The following IL3RA variants were observed in gnomAD, a reference collection of about 807,000 sequenced individuals.
IL3RA encodes the protein interleukin-3 receptor subunit alpha.
Under a neutral mutation model 52.3 loss-of-function variants are expected in IL3RA, and 73 were observed. The ratio of observed to expected loss-of-function variants is 1.40; its 90% CI spans 1.16 to 1.70. The LOEUF (loss-of-function observed/expected upper bound fraction) is 1.70, where lower values mean the gene tolerates loss of function less well. Ranked by LOEUF, IL3RA falls within the 40% of genes most tolerant of loss-of-function variation. The pLI is 0.00. For synonymous variants in IL3RA, 260 were observed against 194.0 expected (o/e 1.34, Z -2.83); for missense variants, 664 against 504.4 (o/e 1.32, Z -3.03).
chrX:1,373,779 A>C (rs2088608997), intron 9 of IL3RA, among the ~76,000 whole-genome samples: 1 of 45,002 alleles, frequency 2.2e-5, no homozygotes, highest in Non-Finnish European at 3.5e-5. Flanking sequence ...ATGGACTAAG[A>C]CACCTCATAA....
intron 4 of IL3RA, 101 bp downstream of exon 4, chrX:1,348,646 C>T (rs188110428): frequency 0.049 from 13,742 of 281,426 alleles, 805 homozygotes; most frequent in African/African-American, 0.33. Context: ...TTCTTTTTCT[C>T]TTTCTTTCTT....
chrX:1,343,982 G>C (rs1217206242), intron 2 of IL3RA, among the ~76,000 whole-genome samples: 1 of 151,708 alleles, frequency 6.6e-6, no homozygotes, highest in Non-Finnish European at 1.5e-5. Flanking sequence ...TTTTAGTCGC[G>C]ACGGGGTTTC....
At chrX:1,348,692 T>TTCTCTTTCTTTCTC (rs1401190803) in intron 4 of IL3RA, 147 bp downstream of exon 4, 1 of 278,194 alleles carries the variant, frequency 3.6e-6, no homozygotes, top group African/African-American at 2.7e-5. Context: ...CTTTCTTTCT[T>TTCTCTTTCTTTCTC]TTTCTTTCTT....
chrX:1,352,437 C>A lies in IL3RA; in HGVS notation c.547C>A (p.Leu183Met). Residue 183 changes from leucine to methionine, a missense_variant, in exon 6 of 12, where the codon CTG becomes ATG. Physicochemically the swap from Leu to Met is conservative, Grantham distance 15. Coordinates refer to ENST00000331035, the MANE Select transcript of IL3RA (RefSeq NM_002183.4). Reference protein sequence around the residue: ...LSSGSQSSHILVRGRSAAFGI... With the variant: ...LSSGSQSSHIMVRGRSAAFGI... ...CAGCGGTTCTCAAAGTTCCCACATC[C>A]TGGTGCGGGGCAGGAGCGCAGCCTT... 6.2e-7 allele frequency: 1 copy of A among 1,613,878 alleles called. No homozygotes were observed. Among genetic ancestry groups the A allele is most frequent in the Non-Finnish European group, 8.5e-7 (1 of 1,179,868 alleles).
chrX:1,337,519 A>G (rs1250309370), intron 1 of IL3RA, among the ~76,000 whole-genome samples: 3 of 152,192 alleles, frequency 2.0e-5, no homozygotes, highest in African/African-American at 7.2e-5. Flanking sequence ...GTACCCATCT[A>G]TAGATGAATG....
chrX:1,362,165 C>CCT (rs377206464), intron 8 of IL3RA, among the ~76,000 whole-genome samples: 73,485 of 148,288 alleles, frequency 0.5, 20,480 homozygotes, highest in African/African-American at 0.77. Context: ...TTTCTCTTTC[C>CCT]CTCTCTCTTT....
intron 9 of IL3RA, among the ~76,000 whole-genome samples, chrX:1,368,076 G>C (rs1286679980): frequency 6.6e-6 from 1 of 152,024 alleles, no homozygotes; most frequent in African/African-American, 2.4e-5. Flanking sequence ...CGGCTAACAC[G>C]GTGAAACCCG....
chrX:1,348,680 T>TTTTC (rs2085915800), intron 4 of IL3RA, 135 bp downstream of exon 4: 1 of 398,078 alleles, frequency 2.5e-6, no homozygotes, highest in African/African-American at 4.8e-5. Flanking sequence ...CTTTCTTTCT[T>TTTTC]TCTTTCTTTC....
rs1382655929 is a variant in IL3RA, at chrX:1,361,186, TCTCTCTCTCCATTCCC to T, written c.759+2302_759+2317del. Among the ~76,000 whole-genome samples the T allele has an allele frequency of 2.3e-4, 19 of 82,532 alleles. 2 individuals carry two copies. Among genetic ancestry groups the T allele is most frequent in the South Asian group, 8.4e-4 (2 of 2,394 alleles). The allele number at this position is 82,532 out of a possible 152,430, so 54.1% of individuals were successfully genotyped here. ...CTCTGTCTCTCTCTCCCTTCCCCTC[TCTCTCTCTCCATTCCC>T]CTGTCTCTATGTCTCTCCCTTTCTC... On this transcript the variant is annotated intron_variant, in intron 8 of 11. Transcript: ENST00000331035.
intron 6 of IL3RA, among the ~76,000 whole-genome samples, chrX:1,353,599 C>T (rs17884415): frequency 0.63 from 35,911 of 56,680 alleles, 13,185 homozygotes; most frequent in African/African-American, 0.78. Context: ...ATGGGATCCC[C>T]CATCATAGGT....
rs755456002 is a variant in IL3RA, at chrX:1,363,509, C to T, written c.760-1629C>T. Among the ~76,000 whole-genome samples, 429 of 151,048 alleles carry T rather than the reference C, an allele frequency of 2.8e-3. 4 individuals carry two copies. Among genetic ancestry groups the T allele is most frequent in the African/African-American group, 9.7e-3 (398 of 41,186 alleles). On this transcript the variant is annotated intron_variant, in intron 8 of 11. Coordinates refer to ENST00000331035, the MANE Select transcript of IL3RA (RefSeq NM_002183.4). ...TAGAGACGGGGTTTCACTGTGGTCT[C>T]GATCTCCTGACCTTGTGATCTGCCC...
chrX:1,356,328 A>G lies in IL3RA; in HGVS notation c.724A>G (p.Ile242Val), dbSNP rs758206396. 1.6e-5 allele frequency: 25 copies of G among 1,608,800 alleles called. No individual in the cohort carries two copies. Among genetic ancestry groups the G allele is most frequent in the Non-Finnish European group, 2.1e-5 (25 of 1,175,542 alleles). Residue 242 changes from isoleucine to valine, a missense_variant, in exon 7 of 12, where the codon ATA (isoleucine) becomes GTA (valine). Ile to Val is a conservative substitution (Grantham distance 29, BLOSUM62 3). Transcript: ENST00000331035. The stretch of plus-strand genomic sequence containing the variant: ...TCGCAAATTTCGCTATGAGCTTCAG[A>G]TACAAAAGGTAAACTTTCACCCCGC... ...FNRKFRYELQ[I>V]QKRMQPVITE...
chrX:1,339,151 TAATC>T (rs1403723450), intron 1 of IL3RA, among the ~76,000 whole-genome samples: 1 of 152,068 alleles, frequency 6.6e-6, no homozygotes, highest in Admixed American at 6.6e-5. Context: ...ATGAAAATAT[TAATC>T]AATAAATGTT....
chrX:1,353,943 A>ACCC lies in IL3RA; in HGVS notation c.616+1446_616+1448dup, dbSNP rs762596930. Among the ~76,000 whole-genome samples, 312 of 42,572 alleles carry ACCC rather than the reference A, an allele frequency of 7.3e-3. 26 individuals carry two copies. The highest frequency in any genetic ancestry group is 9.7e-3 in the Non-Finnish European group (210 of 21,658). The allele number at this position is 42,572 out of a possible 152,430, so 27.9% of individuals were successfully genotyped here. ...CATGGGTTCCATCATGGGTCATGGGACCCCCCCCCCCATCATGGGTCGTGG... is the reference window on the plus strand; with the variant it reads ...CATGGGTTCCATCATGGGTCATGGGACCCCCCCCCCCCCCATCATGGGTCGTGG... On this transcript the variant is annotated intron_variant, in intron 6 of 11. Transcript: ENST00000331035.
At chrX:1,348,210 G>A (rs1794678433) in intron 3 of IL3RA, among the ~76,000 whole-genome samples, 1 of 150,590 alleles carries the variant, frequency 6.6e-6, no homozygotes, top group Non-Finnish European at 1.5e-5. Context: ...AAAATTAGCT[G>A]GGCGTGGTGG....
rs147573342 is a variant in IL3RA at position 1,348,212 on chromosome X, G to T, written c.184-219G>T. Reference sequence around the variant, plus strand: ...GAAAAATACTTTAAAAATTAGCTGGGCGTGGTGGCGGGCACCTGTAATCCC... The same window carrying T: ...GAAAAATACTTTAAAAATTAGCTGGTCGTGGTGGCGGGCACCTGTAATCCC... On this transcript the variant is annotated intron_variant, in intron 3 of 11. Transcript: ENST00000331035. Among the ~76,000 whole-genome samples the T allele has an allele frequency of 5.3e-3, 798 of 150,762 alleles. 8 individuals are homozygous for T. Among genetic ancestry groups the T allele is most frequent in the Middle Eastern group, 0.01 (3 of 292 alleles).
At chrX:1,353,943 A>AC (rs762596930) in intron 6 of IL3RA, among the ~76,000 whole-genome samples, 1,791 of 41,904 alleles carry the variant, frequency 0.043, 164 homozygotes, top group East Asian at 0.12. Context: ...GGGTCATGGG[A>AC]CCCCCCCCCC....
intron 5 of IL3RA, 34 bp downstream of exon 5, chrX:1,352,266 C>T (rs377432276): frequency 6.2e-7 from 1 of 1,613,190 alleles, no homozygotes; most frequent in East Asian, 2.2e-5. Flanking sequence ...CCGGGCTGTC[C>T]CTGGTGCGGG....
chrX:1,359,248 C>A (rs1393115912), intron 8 of IL3RA, among the ~76,000 whole-genome samples: 4 of 151,950 alleles, frequency 2.6e-5, no homozygotes, highest in African/African-American at 9.7e-5. Context: ...GGCCAGGCAG[C>A]CCCAGTCCAG....
Sources: gnomAD v4.1 joint callset for allele counts (sites outside exome capture counted in the v4.1 genomes callset) on GRCh38, gnomAD v4.1.1 for gene constraint, MANE v1.5 for transcripts, NCBI Gene and HGNC (gene_info 2026-07-23, HGNC 2026-07-21) for gene names.